RNF114: variants seen among roughly 807,000 people sequenced by gnomAD.
RNF114 encodes the protein E3 ubiquitin-protein ligase RNF114.
A neutral mutation model predicts 28.4 loss-of-function variants in RNF114; 6 were observed. The observed-to-expected ratio is 0.21, with a 90% confidence interval of 0.12 to 0.42. The LOEUF (loss-of-function observed/expected upper bound fraction) is 0.42. RNF114 is among the 10% of genes least tolerant of loss of function. RNF114 has a pLI of 1.00. For synonymous variants in RNF114, 115 were observed against 116.7 expected, an observed-to-expected ratio of 0.99 and a Z score of 0.09; for missense variants, 249 against 311.7, an observed-to-expected ratio of 0.80 and a Z score of 1.51.
Position 49,936,513 on chromosome 20 carries a change from A to C in RNF114, c.101A>C (p.Glu34Ala). The change falls in exon 1 of 6, where the codon GAG becomes GCG. Residue 34 changes from glutamate to alanine, a missense_variant. Physicochemically the swap from Glu to Ala is moderately radical, Grantham distance 107. This residue lies in a region of RNF114 where 123 missense variants were observed against 106.4 expected (regional missense o/e 1.16). Coordinates refer to ENST00000244061, the MANE Select transcript of RNF114 (RefSeq NM_018683.4). ...LGRFTCPVCL[E>A]VYEKPVQVPC... ...CGCTTCACGTGTCCCGTGTGCTTAG[A>C]GGTGTACGAGAAGCCGGTACAGGTG... The C allele has an allele frequency of 1.3e-6, 2 of 1,583,310 alleles. No individual in the cohort carries two copies. The highest frequency in any genetic ancestry group is 1.7e-6 in the Non-Finnish European group (2 of 1,166,216).
At position 49,940,775 on chromosome 20, in the gene RNF114, C is replaced by G. The variant is rs192962956; in HGVS notation, c.141-786C>G. On this transcript the variant is annotated intron_variant, in intron 1 of 5. Coordinates refer to ENST00000244061, the MANE Select transcript of RNF114 (RefSeq NM_018683.4). ...TCTGCAGTCTTCCCCTCCACCCCCC[C>G]CTTGAGACAGAGTCGCACTCTGTTG... Among the ~76,000 whole-genome samples, 342 of 151,502 alleles carry G rather than the reference C, an allele frequency of 2.3e-3. 1 individual carries two copies. Among genetic ancestry groups the G allele is most frequent in the African/African-American group, 7.3e-3 (300 of 41,274 alleles).
chr20:49,942,547 G>T (rs528475301), intron 2 of RNF114, among the ~76,000 whole-genome samples: 96 of 152,284 alleles, frequency 6.3e-4, no homozygotes, highest in Middle Eastern at 3.4e-3. Context: ...TTAAGGCCTG[G>T]CAAGGTGGTT....
rs143581750 is a variant in RNF114, at chr20:49,947,596, T to A, written c.513+1346T>A. ...CAGATTGACTTGGTTAAATGTTACT[T>A]GCACTCATAATTTTGTTGGATACTG... is the stretch of plus-strand genomic sequence containing the variant. On this transcript the variant is annotated intron_variant, in intron 4 of 5. Coordinates refer to ENST00000244061, the MANE Select transcript of RNF114 (RefSeq NM_018683.4). Among the ~76,000 whole-genome samples, 653 of 152,132 alleles carry A rather than the reference T, an allele frequency of 4.3e-3. 4 individuals are homozygous for A. The highest frequency in any genetic ancestry group is 0.015 in the African/African-American group (631 of 41,492).
At chr20:49,947,375 G>T (rs2090336948) in intron 4 of RNF114, among the ~76,000 whole-genome samples, 1 of 151,804 alleles carries the variant, frequency 6.6e-6, no homozygotes, top group Non-Finnish European at 1.5e-5. Flanking sequence ...TGCTTCTCTT[G>T]AACTACATAC....
intron 2 of RNF114, among the ~76,000 whole-genome samples, chr20:49,942,397 GTTGTC>G (rs2090311275): frequency 6.6e-6 from 1 of 152,156 alleles, no homozygotes; most frequent in Non-Finnish European, 1.5e-5. Flanking sequence ...GAGAAATACT[GTTGTC>G]TTATTTTCCA....
In RNF114 at chr20:49,952,633, G is replaced by C. The variant is rs76402019; in HGVS notation, c.*492G>C. 4 of 186,464 alleles carry C rather than the reference G, an allele frequency of 2.1e-5. No individual in the cohort carries two copies. The East Asian group carries it at 5.4e-4, about 25-fold the overall frequency. The allele number at this position is 186,464 out of a possible 1,614,324, so 11.6% of individuals were successfully genotyped here. On this transcript the variant is annotated 3_prime_UTR_variant, in exon 6 of 6. Transcript: ENST00000244061. ...GAAGCTCCCGCTGGGCTGTGGGGTTGCCAGAAGCTGGGGTTGCCATCCCGG... is the reference window on the plus strand; with the variant it reads ...GAAGCTCCCGCTGGGCTGTGGGGTTCCCAGAAGCTGGGGTTGCCATCCCGG...
At chr20:49,946,040 G>T in intron 3 of RNF114, 96 bp from the exon 4 acceptor site, 1 of 599,264 alleles carries the variant, frequency 1.7e-6, no homozygotes, top group Non-Finnish European at 2.9e-6. Context: ...TACACATTTG[G>T]TGAGCTTTGC....
At position 49,946,118 on chromosome 20, in the gene RNF114, C is replaced by T. The variant is rs1385172712; in HGVS notation, c.399-18C>T. On this transcript the variant is annotated intron_variant, in intron 3 of 5. Coordinates refer to ENST00000244061, the MANE Select transcript of RNF114 (RefSeq NM_018683.4). ...ACTCACAGAAAAGTTTTCTTTTTTCCTGTGTTTCACCTTCCAGGAATGTTC... is the reference window on the plus strand; with the variant it reads ...ACTCACAGAAAAGTTTTCTTTTTTCTTGTGTTTCACCTTCCAGGAATGTTC... 1.4e-6 allele frequency: 2 copies of T among 1,471,594 alleles called. No individual in the cohort carries two copies. Among genetic ancestry groups the T allele is most frequent in the Admixed American group, 2.1e-5 (1 of 47,614 alleles). The allele number at this position is 1,471,594 out of a possible 1,614,324, so 91.2% of individuals were successfully genotyped here.
At position 49,951,082 on chromosome 20, in the gene RNF114, A is replaced by G. The variant is rs879152524; in HGVS notation, c.622-994A>G. On this transcript the variant is annotated intron_variant, in intron 5 of 5. Transcript: ENST00000244061. The stretch of plus-strand genomic sequence containing the variant: ...TAGTAGTAGGTAACTTTGGCCAACT[A>G]TATCAAGTAAACCTCTTACTTACAT... Among the ~76,000 whole-genome samples, 4 of 152,154 alleles carry G rather than the reference A, an allele frequency of 2.6e-5. No homozygotes were observed. The South Asian group carries it at 8.3e-4, about 31-fold the overall frequency.
chr20:49,943,311 A>G (rs976196437), intron 2 of RNF114, among the ~76,000 whole-genome samples: 1 of 152,300 alleles, frequency 6.6e-6, no homozygotes. Flanking sequence ...CCTGGGCAAC[A>G]TAGTGGGACT....
intron 5 of RNF114, 95 bp from the exon 6 acceptor site, chr20:49,951,981 C>CCGGATCCAGTTGCTAGGCTGACCTGCTT: frequency 9.8e-7 from 1 of 1,015,420 alleles, no homozygotes; most frequent in Non-Finnish European, 1.5e-6. Flanking sequence ...GCAACCTGCT[C>CCGGATCCAGTTGCTAGGCTGACCTGCTT]CGGATCCAGT....
chr20:49,946,817 A>T (rs1323910334), intron 4 of RNF114, among the ~76,000 whole-genome samples: 2 of 152,082 alleles, frequency 1.3e-5, no homozygotes, highest in Non-Finnish European at 2.9e-5. Flanking sequence ...TAGCTTCTTC[A>T]TAGTTGTGGG....
chr20:49,938,733 G>A (rs1237821555), intron 1 of RNF114, among the ~76,000 whole-genome samples: 3 of 152,220 alleles, frequency 2.0e-5, no homozygotes, highest in Non-Finnish European at 2.9e-5. Flanking sequence ...TTCAAAAGCA[G>A]GCTGGTAGTT....
chr20:49,943,818 C>A (rs1227818431), intron 2 of RNF114: 1 of 94,744 alleles, frequency 1.1e-5, no homozygotes, highest in Admixed American at 1.4e-4. Context: ...ATCACCACGC[C>A]CAGCTATATA....
intron 1 of RNF114, among the ~76,000 whole-genome samples, 157 bp downstream of exon 1, chr20:49,936,709 G>C (rs184607253): frequency 3.4e-4 from 52 of 152,184 alleles, no homozygotes; most frequent in African/African-American, 1.2e-3. Context: ...AAAGCTGCCG[G>C]GGCGCTCTTC....
intron 2 of RNF114, among the ~76,000 whole-genome samples, chr20:49,942,626 C>T (rs1203393484): frequency 6.6e-6 from 1 of 152,124 alleles, no homozygotes; most frequent in African/African-American, 2.4e-5. Context: ...AGTTCTAGAC[C>T]AGCCTGGACA....
At chr20:49,947,704 T>C (rs1222783449) in intron 4 of RNF114, among the ~76,000 whole-genome samples, 1 of 151,098 alleles carries the variant, frequency 6.6e-6, no homozygotes, top group Non-Finnish European at 1.5e-5. Flanking sequence ...TCTGATTATG[T>C]TGTCTATGTT....
At chr20:49,950,036 G>T (rs1487512546) in intron 5 of RNF114, among the ~76,000 whole-genome samples, 1 of 151,728 alleles carries the variant, frequency 6.6e-6, no homozygotes, top group Non-Finnish European at 1.5e-5. Context: ...CGGATCCTGA[G>T]GTCGGGGGTT....
At chr20:49,937,833 G>A (rs1020453007) in intron 1 of RNF114, among the ~76,000 whole-genome samples, 3 of 152,062 alleles carry the variant, frequency 2.0e-5, no homozygotes, top group African/African-American at 7.2e-5. Flanking sequence ...AAACTTAACA[G>A]CTCATGACGG....
Sources: allele counts gnomAD v4.1 joint callset (sites outside exome capture counted in the v4.1 genomes callset), GRCh38; gene constraint gnomAD v4.1.1; regional missense constraint gnomAD v4.1.1; transcripts MANE v1.5; gene names NCBI Gene and HGNC (gene_info 2026-07-23, HGNC 2026-07-21).